Variants in RFX8 observed in about 807,000 individuals in gnomAD.
The protein encoded by RFX8 is DNA-binding protein RFX8.
In RFX8, 46 loss-of-function variants were observed where a neutral mutation model predicts 54.6. The observed-to-expected ratio is 0.84, with a 90% CI of 0.67 to 1.08. The LOEUF (loss-of-function observed/expected upper bound fraction) is 1.08. Among genes scored for constraint, RFX8 ranks in the 50% least tolerant of loss-of-function variants. The probability of loss-of-function intolerance (pLI) is 0.00; values close to 1 mark genes in which losing one functional copy is unlikely to be tolerated. For synonymous variants in RFX8, 192 were observed against 209.5 expected, an observed-to-expected ratio of 0.92 and a Z score of 0.72; for missense variants, 536 against 562.3, an observed-to-expected ratio of 0.95 and a Z score of 0.47.
At chr2:101,470,781 G>A (rs866817386) in intron 1 of RFX8, among the ~76,000 whole-genome samples, 1 of 143,600 alleles carries the variant, frequency 7.0e-6, no homozygotes, top group African/African-American at 2.6e-5. Flanking sequence ...GTGCAGTGGC[G>A]CGATCTCGGC....
Position 101,413,087 on chromosome 2 carries a change from A to T in RFX8, c.562-16T>A, listed in dbSNP as rs1052259829. 5 of 1,547,070 alleles carry T rather than the reference A, an allele frequency of 3.2e-6. No homozygotes were observed. On this transcript the variant is annotated splice_polypyrimidine_tract_variant and intron_variant, in intron 7 of 11. Transcript: ENST00000428343. ...TTCGCATAGTCTAAAGATAACAGGG[A>T]GGCATAATACTTAATTCAATCTGGT... is the stretch of plus-strand genomic sequence containing the variant.
chr2:101,409,943 T>C (rs976289343), intron 9 of RFX8, among the ~76,000 whole-genome samples: 2 of 152,052 alleles, frequency 1.3e-5, no homozygotes, highest in East Asian at 3.9e-4. Context: ...AGGATCCCAC[T>C]GAAGCAACTC....
chr2:101,469,098 ATATATATAAGTGTATATATATATAAG>A (rs1689811905), intron 1 of RFX8, among the ~76,000 whole-genome samples: 1 of 27,772 alleles, frequency 3.6e-5, no homozygotes, highest in African/African-American at 1.1e-4. Context: ...ATATAAGTAT[ATATATATAAGTGTATATATATATAAG>A]TATATATATA....
At chr2:101,428,937 CTGTT>C (rs1330090209) in intron 2 of RFX8, 4 of 1,472,172 alleles carry the variant, frequency 2.7e-6, no homozygotes, top group Non-Finnish European at 3.7e-6. Flanking sequence ...TATAGTAAAT[CTGTT>C]TGATTAACAC....
intron 2 of RFX8, among the ~76,000 whole-genome samples, chr2:101,440,264 C>G (rs541041447): frequency 6.6e-6 from 1 of 152,306 alleles, no homozygotes; most frequent in South Asian, 2.1e-4. Context: ...GTAGAAAGCT[C>G]TGCTGCCAAG....
At chr2:101,462,756 G>A (rs1348311532) in intron 2 of RFX8, among the ~76,000 whole-genome samples, 1 of 152,126 alleles carries the variant, frequency 6.6e-6, no homozygotes, top group African/African-American at 2.4e-5. Context: ...AATCTAAGAA[G>A]TTCCATTCCA....
At chr2:101,414,756 T>A in intron 7 of RFX8, 98 bp downstream of exon 7, 1 of 922,400 alleles carries the variant, frequency 1.1e-6, no homozygotes, top group Non-Finnish European at 1.7e-6. Context: ...GCCCTCCAGA[T>A]GGACAGAGCA....
In RFX8 at chr2:101,421,729, G is replaced by A. The variant is rs1440740128; in HGVS notation, c.232C>T (p.Arg78Ter). ...TCAAGTTCTCAGTTCCTCACATTTC[G>A]TAAAATGTCTCGACAATAGTTGCAG... Reference protein sequence around the residue: ...EYCNYCRDILRNVEDLLTSFW... With the variant: ...EYCNYCRDIL Residue 78 changes from arginine to a stop codon, truncating the protein, a stop_gained, in exon 4 of 12, where the codon CGA becomes TGA. Transcript: ENST00000428343. LOFTEE classifies it high-confidence loss of function. The A allele has an allele frequency of 1.1e-5, 17 of 1,549,296 alleles. No homozygotes were observed. The highest frequency in any genetic ancestry group is 2.7e-5 in the African/African-American group (2 of 72,906).
At chr2:101,410,164 C>T (rs758199523) in intron 9 of RFX8, among the ~76,000 whole-genome samples, 1 of 152,016 alleles carries the variant, frequency 6.6e-6, no homozygotes, top group Non-Finnish European at 1.5e-5. Flanking sequence ...CACCCACTTA[C>T]ACACATGCTC....
chr2:101,474,491 A>C (rs552544351), intron 1 of RFX8, 145 bp downstream of exon 1: 3 of 343,378 alleles, frequency 8.7e-6, no homozygotes, highest in Middle Eastern at 7.7e-4. Flanking sequence ...ACAGCTCCCC[A>C]ACCCCCGCGC....
rs115252818 is a variant in RFX8 at position 101,457,445 on chromosome 2, C to T, written c.72+9332G>A. ...GGTTTCAAAAAGAACATCTCTATTT[C>T]TGCCTTCATTTTTTTATTTATCCAG... On this transcript the variant is annotated intron_variant, in intron 2 of 11. Transcript: ENST00000428343. Among the ~76,000 whole-genome samples, 584 of 152,284 alleles carry T rather than the reference C, an allele frequency of 3.8e-3. 10 individuals carry two copies. The highest frequency in any genetic ancestry group is 0.013 in the African/African-American group (523 of 41,562).
At chr2:101,425,813 C>T (rs1405774353) in intron 2 of RFX8, among the ~76,000 whole-genome samples, 1 of 152,170 alleles carries the variant, frequency 6.6e-6, no homozygotes, top group Non-Finnish European at 1.5e-5. Flanking sequence ...GAGCCACTAA[C>T]GTGTGGACCC....
chr2:101,454,597 C>T (rs7583582), intron 2 of RFX8, among the ~76,000 whole-genome samples: 52,298 of 151,778 alleles, frequency 0.34, 9,628 homozygotes, highest in African/African-American at 0.44. Flanking sequence ...TTCTAACCAG[C>T]GTAAGATGAT....
intron 2 of RFX8, among the ~76,000 whole-genome samples, chr2:101,465,413 G>T (rs562647570): frequency 9.8e-5 from 15 of 152,316 alleles, no homozygotes; most frequent in Non-Finnish European, 1.9e-4. Context: ...GGGAGACTGA[G>T]GCACGGGAAT....
intron 2 of RFX8, among the ~76,000 whole-genome samples, chr2:101,450,164 C>A (rs1198539992): frequency 6.6e-6 from 1 of 151,954 alleles, no homozygotes; most frequent in African/African-American, 2.4e-5. Flanking sequence ...ACAGAACAAC[C>A]AAAAAGTCAG....
chr2:101,474,059 A>T, intron 1 of RFX8: 1 of 471,062 alleles, frequency 2.1e-6, no homozygotes, highest in Non-Finnish European at 3.8e-6. Context: ...GCGGCGGGCG[A>T]GCATCAGAAA....
intron 2 of RFX8, among the ~76,000 whole-genome samples, chr2:101,439,828 G>A (rs1687992063): frequency 1.3e-5 from 2 of 151,664 alleles, no homozygotes; most frequent in South Asian, 2.1e-4. Context: ...TTCTCCTGTC[G>A]GCCTCCCGAC....
chr2:101,422,973 C>T (rs950512352), intron 2 of RFX8, among the ~76,000 whole-genome samples: 1 of 152,140 alleles, frequency 6.6e-6, no homozygotes, highest in Non-Finnish European at 1.5e-5. Flanking sequence ...GAACCAATTA[C>T]AGGCCCGGGC....
At position 101,397,687 on chromosome 2, in the gene RFX8, C is replaced by T. The variant is rs1472421522; in HGVS notation, c.1283G>A (p.Ser428Asn). 4 of 1,550,786 alleles carry T rather than the reference C, an allele frequency of 2.6e-6. No individual in the cohort carries two copies. In the Admixed American group the frequency reaches 5.9e-5, roughly 23 times the overall value. Residue 428 changes from serine (S) to asparagine (N), a missense_variant, in exon 12 of 12, where the codon AGC becomes AAC. Physicochemically the swap from Ser to Asn is conservative, Grantham distance 46. Transcript: ENST00000428343. ...QVLLEDETTESAVKLSLPMGQ... is the reference protein window; with the variant it reads ...QVLLEDETTENAVKLSLPMGQ... ...CATAGGAAGGCTGAGTTTAACTGCG[C>T]TTTCAGTGGTTTCATCTTCCAACAG...
Sources: gnomAD v4.1 joint callset for allele counts (sites outside exome capture counted in the v4.1 genomes callset) on GRCh38, gnomAD v4.1.1 for gene constraint, MANE v1.5 for transcripts, NCBI Gene and HGNC (gene_info 2026-07-23, HGNC 2026-07-21) for gene names.